Variants in FBXL12 observed in about 807,000 individuals in gnomAD.
FBXL12 encodes the protein F-box and leucine rich repeat protein 12, also known as F-box/LRR-repeat protein 12.
In FBXL12, 22 loss-of-function variants were observed where a neutral mutation model predicts 24.9. The observed-to-expected ratio is 0.88, with a 90% CI of 0.63 to 1.26. The LOEUF (loss-of-function observed/expected upper bound fraction) is 1.26. Among genes scored for constraint, FBXL12 ranks in the 50% most tolerant of loss-of-function variants. The pLI is 0.00. For synonymous variants in FBXL12, 193 were observed against 193.8 expected, an observed-to-expected ratio of 1.00 and a Z score of 0.03; for missense variants, 384 against 434.1, an observed-to-expected ratio of 0.88 and a Z score of 1.03.
In FBXL12 at chr19:9,810,831, G is replaced by T; in HGVS notation, c.*65C>A. On this transcript the variant is annotated 3_prime_UTR_variant, in exon 3 of 3. Coordinates refer to ENST00000247977, the MANE Select transcript of FBXL12 (RefSeq NM_017703.3). ...TCTGATTATCTGCCCTCTTCAAGGT[G>T]CTGCTCAGAGGGTCTGGGGCTCAAT... 2 of 1,315,574 alleles carry T rather than the reference G, an allele frequency of 1.5e-6. No homozygotes were observed. The highest frequency in any genetic ancestry group is 2.1e-6 in the Non-Finnish European group (2 of 952,180). 81.5% of individuals were successfully genotyped at this position (1,315,574 alleles called of 1,614,324 possible).
Position 9,811,068 on chromosome 19 carries a change from G to GA in FBXL12, c.808dup (p.Ser270PhefsTer4). The GA allele has an allele frequency of 6.2e-7, 1 of 1,612,262 alleles. No individual in the cohort carries two copies. The highest frequency in any genetic ancestry group is 8.5e-7 in the Non-Finnish European group (1 of 1,178,618). On this transcript the variant is annotated frameshift_variant, in exon 3 of 3. Transcript: ENST00000247977. LOFTEE classifies it high-confidence loss of function. This position sits in a 1 kb window ranked among gnomAD's most constrained non-coding sequence, Gnocchi z 6.0. ...GCAGGAGGAGAGGATTTCAGTGGGG[G>GA]AGGGCATTTCTGGGGTGACGAGGGG...
intron 2 of FBXL12, among the ~76,000 whole-genome samples, chr19:9,813,879 T>C (rs2045817827): frequency 2.0e-5 from 3 of 151,902 alleles, no homozygotes; most frequent in Non-Finnish European, 2.9e-5. Context: ...CCTCAAGTGA[T>C]CTGTCCACCT....
rs550775530 is a variant in FBXL12, at chr19:9,816,949, A to C, written c.159+1596T>G. 6.6e-5 allele frequency among the ~76,000 whole-genome samples: 10 copies of C among 152,310 alleles called. No individual in the cohort carries two copies. In the East Asian group the frequency reaches 1.9e-3, roughly 29 times the overall value. ...TCTTAACATGTTGATGGCAAAAGAA[A>C]ATGAGAAAGAAGCAAAAAAGGAAAC... is the stretch of plus-strand genomic sequence containing the variant. On this transcript the variant is annotated intron_variant, in intron 2 of 2. Coordinates refer to ENST00000247977, the MANE Select transcript of FBXL12 (RefSeq NM_017703.3).
intron 2 of FBXL12, chr19:9,818,312 A>G (rs893981237): frequency 1.2e-5 from 7 of 574,692 alleles, no homozygotes; most frequent in Non-Finnish European, 2.2e-5. Context: ...GTGAAGTCCC[A>G]TAATAGCCCC....
At chr19:9,818,263 G>A (rs1339849079) in intron 2 of FBXL12, 1 of 499,308 alleles carries the variant, frequency 2.0e-6, no homozygotes, top group Non-Finnish European at 3.6e-6. Context: ...TGATAAATAT[G>A]TGCCAGACTG....
chr19:9,818,173 GCCTGA>G, intron 2 of FBXL12: 1 of 417,310 alleles, frequency 2.4e-6, no homozygotes, highest in South Asian at 8.3e-5. Context: ...CTGCACTCCA[GCCTGA>G]GCAGCAGAGC....
Position 9,818,956 on chromosome 19 carries a change from G to T in FBXL12, c.-143C>A, listed in dbSNP as rs2045945089. 1 of 785,298 alleles carries T rather than the reference G, an allele frequency of 1.3e-6. No homozygotes were observed. Among genetic ancestry groups the T allele is most frequent in the Non-Finnish European group, 2.1e-6 (1 of 486,220 alleles). The allele number at this position is 785,298 out of a possible 1,614,324, so 48.6% of individuals were successfully genotyped here. A position where few individuals can be genotyped will look rare whatever the true frequency, so the allele number is the denominator to read the frequency against. On this transcript the variant is annotated 5_prime_UTR_variant, in exon 1 of 3. Coordinates refer to ENST00000247977, the MANE Select transcript of FBXL12 (RefSeq NM_017703.3). The stretch of plus-strand genomic sequence containing the variant: ...CCTTCCTCTCGCTGGGAAGTGATTC[G>T]GTCCCAGGGCCGGACCAGCCGCGGA...
chr19:9,818,657 G>A (rs1022388968), intron 1 of FBXL12, 40 bp from the exon 2 acceptor site: 26 of 1,546,546 alleles, frequency 1.7e-5, no homozygotes, highest in Middle Eastern at 1.7e-4. Flanking sequence ...CCCCAGCCCC[G>A]GGCCACATCG....
chr19:9,816,427 T>C (rs528761757), intron 2 of FBXL12, among the ~76,000 whole-genome samples: 1 of 152,308 alleles, frequency 6.6e-6, no homozygotes, highest in South Asian at 2.1e-4. Context: ...CACTTAGAAA[T>C]TTCTTCCACT....
Position 9,810,442 on chromosome 19 carries a change from A to G in FBXL12, c.*454T>C, listed in dbSNP as rs1394932083. On this transcript the variant is annotated 3_prime_UTR_variant, in exon 3 of 3. Transcript: ENST00000247977. Reference sequence around the variant, plus strand: ...GTCTCTTGCGTGCGTGTAGGTATATAAATGGTGTATAGGCTTGTGGGTGTG... The same window carrying G: ...GTCTCTTGCGTGCGTGTAGGTATATGAATGGTGTATAGGCTTGTGGGTGTG... The G allele has an allele frequency of 6.3e-6, 1 of 158,158 alleles. No homozygotes were observed. The highest frequency in any genetic ancestry group is 1.4e-5 in the Non-Finnish European group (1 of 72,336). 9.8% of individuals were successfully genotyped at this position (158,158 alleles called of 1,614,324 possible). A position where few individuals can be genotyped will look rare whatever the true frequency, so the allele number is the denominator to read the frequency against.
At chr19:9,814,541 C>A (rs955814563) in intron 2 of FBXL12, 1 of 149,064 alleles carries the variant, frequency 6.7e-6, no homozygotes, top group African/African-American at 2.5e-5. Flanking sequence ...TTAAAAAATA[C>A]AAAAAATTAG....
At chr19:9,813,043 C>G (rs1415485048) in intron 2 of FBXL12, among the ~76,000 whole-genome samples, 1 of 152,036 alleles carries the variant, frequency 6.6e-6, no homozygotes, top group Admixed American at 6.6e-5. Context: ...GTTGCACCAG[C>G]CTGGGCAACA....
chr19:9,816,932 T>A (rs150559262), intron 2 of FBXL12, among the ~76,000 whole-genome samples: 3,152 of 152,190 alleles, frequency 0.021, 45 homozygotes, highest in Non-Finnish European at 0.032. Context: ...CTTCTTAACA[T>A]GTTGATGGCA....
In FBXL12 at chr19:9,818,988, C is replaced by A. The variant is rs771836733; in HGVS notation, c.-175G>T. ...GGGCCGGACCAGCCGCGGATGGGGA[C>A]CAGAAACCAGCCTGGAAAGCGTGGC... On this transcript the variant is annotated 5_prime_UTR_variant, in exon 1 of 3. Coordinates refer to ENST00000247977, the MANE Select transcript of FBXL12 (RefSeq NM_017703.3). 236 of 632,718 alleles carry A rather than the reference C, an allele frequency of 3.7e-4. No individual in the cohort carries two copies. The highest frequency in any genetic ancestry group is 8.6e-4 in the Admixed American group (29 of 33,828). The allele number at this position is 632,718 out of a possible 1,614,324, so 39.2% of individuals were successfully genotyped here. A position where few individuals can be genotyped will look rare whatever the true frequency, so the allele number is the denominator to read the frequency against.
chr19:9,811,520 G>A lies in FBXL12; in HGVS notation c.357C>T (p.Ile119=). ...TCCTCAAGGTGCTGGGCAGGCTGGT[G>A]ATGGGCACCATGCTCAGGTCGGCCA... ...LHVADLSMVP[I]TSLPSTLRTL... Residue 119 remains isoleucine, a synonymous_variant, in exon 3 of 3, where the codon ATC becomes ATT. Transcript: ENST00000247977. This position sits in a 1 kb window ranked among gnomAD's most constrained non-coding sequence, Gnocchi z 6.0. 1 of 1,613,328 alleles carries A rather than the reference G, an allele frequency of 6.2e-7. No homozygotes were observed. The highest frequency in any genetic ancestry group is 2.2e-5 in the East Asian group (1 of 44,846).
At chr19:9,817,368 C>T (rs2081066) in intron 2 of FBXL12, among the ~76,000 whole-genome samples, 26,448 of 152,094 alleles carry the variant, frequency 0.17, 4,366 homozygotes, top group African/African-American at 0.43. Flanking sequence ...ATCTTCCTTG[C>T]CAAATTTAGA....
Position 9,818,894 on chromosome 19 carries a change from C to A in FBXL12, c.-81G>T. On this transcript the variant is annotated 5_prime_UTR_variant, in exon 1 of 3. Coordinates refer to ENST00000247977, the MANE Select transcript of FBXL12 (RefSeq NM_017703.3). ...GGCGCCGAGGCGGCTGACAGGGCGG[C>A]GGCCGCGACCTTCCCGTAGCCGGTC... is the stretch of plus-strand genomic sequence containing the variant. 7.6e-7 allele frequency: 1 copy of A among 1,307,314 alleles called. No homozygotes were observed. Among genetic ancestry groups the A allele is most frequent in the Non-Finnish European group, 1.1e-6 (1 of 944,642 alleles). The allele number at this position is 1,307,314 out of a possible 1,614,324, so 81.0% of individuals were successfully genotyped here.
rs1210204668 is a variant in FBXL12, at chr19:9,810,543, C to A, written c.*353G>T. ...GGTGCCCCTGAGTCTTAACCCCACC[C>A]CTTCTTCATCCGTCCTGTTCCTGAA... On this transcript the variant is annotated 3_prime_UTR_variant, in exon 3 of 3. Coordinates refer to ENST00000247977, the MANE Select transcript of FBXL12 (RefSeq NM_017703.3). 1 of 195,628 alleles carries A rather than the reference C, an allele frequency of 5.1e-6. No individual in the cohort carries two copies. The highest frequency in any genetic ancestry group is 1.1e-5 in the Non-Finnish European group (1 of 93,468). The allele number at this position is 195,628 out of a possible 1,614,324, so 12.1% of individuals were successfully genotyped here.
In FBXL12 at chr19:9,818,806, G is replaced by A; in HGVS notation, c.8C>T (p.Thr3Ile). 1 of 1,552,252 alleles carries A rather than the reference G, an allele frequency of 6.4e-7. No individual in the cohort carries two copies. Among genetic ancestry groups the A allele is most frequent in the Non-Finnish European group, 8.7e-7 (1 of 1,146,102 alleles). ...GACCGAGTCCGGCAGTTCGACCAAA[G>A]TCGCCATGATCCCGCCGACACGCAC... Reference protein sequence around the residue: MATLVELPDSVLL... With the variant: MAILVELPDSVLL... Residue 3 changes from threonine (T) to isoleucine (I), a missense_variant, in exon 1 of 3, where the codon ACT becomes ATT. Thr to Ile is a moderately conservative substitution (Grantham distance 89). Coordinates refer to ENST00000247977, the MANE Select transcript of FBXL12 (RefSeq NM_017703.3).
Sources: gnomAD v4.1 joint callset for allele counts (sites outside exome capture counted in the v4.1 genomes callset) on GRCh38, gnomAD v4.1.1 for gene constraint, Gnocchi (gnomAD v3.1) non-coding constraint, MANE v1.5 for transcripts, NCBI Gene and HGNC (gene_info 2026-07-23, HGNC 2026-07-21) for gene names.